Variants in TXNDC16 observed in about 807,000 individuals in gnomAD.
TXNDC16 encodes the protein thioredoxin domain-containing protein 16.
TXNDC16 carries 74 observed loss-of-function variants against 85.6 expected under a neutral mutation model. The observed-to-expected ratio is 0.86, with a 90% CI of 0.72 to 1.05. TXNDC16 has a LOEUF of 1.05. Ranked by LOEUF, TXNDC16 falls within the 50% of genes least tolerant of loss-of-function variation. The pLI is 0.00. For synonymous variants in TXNDC16, 335 were observed against 326.5 expected (o/e 1.03, Z -0.28); for missense variants, 959 against 947.0 (o/e 1.01, Z -0.17).
intron 12 of TXNDC16, among the ~76,000 whole-genome samples, chr14:52,486,639 C>G (rs984303019): frequency 1.3e-5 from 2 of 151,988 alleles, no homozygotes; most frequent in South Asian, 4.1e-4. Flanking sequence ...CTTTCCTAAC[C>G]CTTATCTAGT....
intron 9 of TXNDC16, among the ~76,000 whole-genome samples, chr14:52,500,241 C>T (rs192756966): frequency 5.3e-4 from 80 of 152,212 alleles, no homozygotes; most frequent in Non-Finnish European, 7.1e-4. Context: ...AAATAAAATG[C>T]GGTATATACG....
intron 6 of TXNDC16, among the ~76,000 whole-genome samples, chr14:52,525,468 G>A (rs1691849562): frequency 6.6e-6 from 1 of 150,774 alleles, no homozygotes; most frequent in Admixed American, 6.6e-5. Flanking sequence ...GAGGTGGGCG[G>A]ATCACAAGGT....
chr14:52,500,382 T>C (rs1391810275), intron 9 of TXNDC16, among the ~76,000 whole-genome samples: 2 of 152,210 alleles, frequency 1.3e-5, no homozygotes, highest in Non-Finnish European at 2.9e-5. Context: ...TAACTCAGTG[T>C]ATATGTGGTA....
intron 16 of TXNDC16, chr14:52,462,883 T>C (rs2035684504): frequency 2.9e-5 from 13 of 453,994 alleles, no homozygotes; most frequent in South Asian, 2.0e-4. Context: ...TACTCAGTTC[T>C]TCAGAAATTA....
intron 18 of TXNDC16, 71 bp downstream of exon 18, chr14:52,455,253 A>G: frequency 1.9e-6 from 3 of 1,562,994 alleles, no homozygotes; most frequent in Non-Finnish European, 1.7e-6. Context: ...AAAAATGTGT[A>G]TGAACATATA....
intron 1 of TXNDC16, among the ~76,000 whole-genome samples, chr14:52,551,998 C>G (rs897075213): frequency 6.6e-6 from 1 of 152,234 alleles, no homozygotes; most frequent in Admixed American, 6.5e-5. Flanking sequence ...ACTACTACTA[C>G]TCTTCCTTAA....
At chr14:52,441,619 C>CA (rs1171861491) in intron 18 of TXNDC16, among the ~76,000 whole-genome samples, 4 of 151,426 alleles carry the variant, frequency 2.6e-5, no homozygotes, top group African/African-American at 4.8e-5. Context: ...AAAAAAAACC[C>CA]AAAAAACAAA....
At chr14:52,514,737 T>C (rs373114747) in intron 8 of TXNDC16, 143 bp downstream of exon 8, 21 of 590,774 alleles carry the variant, frequency 3.6e-5, no homozygotes, top group African/African-American at 2.2e-4. Context: ...GGATTTCAGG[T>C]TTCATTTATA....
intron 6 of TXNDC16, among the ~76,000 whole-genome samples, chr14:52,528,183 T>C (rs763716690): frequency 2.2e-4 from 33 of 152,272 alleles, no homozygotes; most frequent in South Asian, 1.4e-3. Flanking sequence ...GCTGACGAAG[T>C]AGCAAAGTTC....
intron 8 of TXNDC16, among the ~76,000 whole-genome samples, 158 bp from the exon 9 acceptor site, chr14:52,511,548 C>A (rs1024978491): frequency 1.3e-5 from 2 of 151,938 alleles, no homozygotes; most frequent in African/African-American, 4.8e-5. Context: ...ACTTGGGCAA[C>A]AAAGAAGATA....
Position 52,432,260 on chromosome 14 carries a change from G to T in TXNDC16, c.*44C>A. On this transcript the variant is annotated 3_prime_UTR_variant, in exon 21 of 21. Transcript: ENST00000281741. ...ATTATTCTTTAAGGAAATAAATTAAGTCTATCATGCCAAAAAAATTTTGGA... is the reference window on the plus strand; with the variant it reads ...ATTATTCTTTAAGGAAATAAATTAATTCTATCATGCCAAAAAAATTTTGGA... 6.6e-7 allele frequency: 1 copy of T among 1,516,684 alleles called. No homozygotes were observed. The highest frequency in any genetic ancestry group is 8.8e-7 in the Non-Finnish European group (1 of 1,131,250). The allele number at this position is 1,516,684 out of a possible 1,614,324, so 94.0% of individuals were successfully genotyped here. A position where few individuals can be genotyped will look rare whatever the true frequency, so the allele number is the denominator to read the frequency against.
intron 6 of TXNDC16, among the ~76,000 whole-genome samples, chr14:52,525,663 A>G (rs1464589898): frequency 1.3e-5 from 2 of 150,756 alleles, no homozygotes; most frequent in Non-Finnish European, 3.0e-5. Context: ...GCACCACTGC[A>G]CTCCAGGCTG....
At position 52,492,445 on chromosome 14, in the gene TXNDC16, G is replaced by A. The variant is rs76164442; in HGVS notation, c.757-1440C>T. ...CTAAGAGACATAGACTTCTGCCACT[G>A]CTACCCGCACCTTCTCTACCTTCCA... On this transcript the variant is annotated intron_variant, in intron 9 of 20. Transcript: ENST00000281741. 3.5e-4 allele frequency among the ~76,000 whole-genome samples: 54 copies of A among 152,222 alleles called. No homozygotes were observed. In the East Asian group the frequency reaches 9.7e-3, roughly 27 times the overall value.
intron 9 of TXNDC16, among the ~76,000 whole-genome samples, chr14:52,495,003 T>G (rs1392314959): frequency 6.6e-6 from 1 of 152,322 alleles, no homozygotes. Context: ...ACATGTGACC[T>G]GAAAATTCAG....
chr14:52,515,145 A>T (rs2037051849), intron 7 of TXNDC16, among the ~76,000 whole-genome samples, 175 bp from the exon 8 acceptor site: 1 of 152,202 alleles, frequency 6.6e-6, no homozygotes, highest in South Asian at 2.1e-4. Context: ...AGTTATAAAA[A>T]GTCTATTCTA....
At position 52,477,688 on chromosome 14, in the gene TXNDC16, T is replaced by C. The variant is rs568084332; in HGVS notation, c.1312+4542A>G. Among the ~76,000 whole-genome samples, 212 of 152,248 alleles carry C rather than the reference T, an allele frequency of 1.4e-3. 1 individual carries two copies. The highest frequency in any genetic ancestry group is 5.0e-3 in the African/African-American group (207 of 41,542). On this transcript the variant is annotated intron_variant, in intron 14 of 20. Coordinates refer to ENST00000281741, the MANE Select transcript of TXNDC16 (RefSeq NM_020784.3). ...CCTAAATTTATAAAACAATTACTAA[T>C]AGACCTATGAAATGAGATAGACAGC...
chr14:52,520,991 A>T (rs780449676), intron 6 of TXNDC16, among the ~76,000 whole-genome samples: 23 of 152,136 alleles, frequency 1.5e-4, no homozygotes, highest in Non-Finnish European at 2.8e-4. Flanking sequence ...TTAAAATAGG[A>T]ATTTTAAAAT....
chr14:52,488,759 A>G (rs1437492113), intron 11 of TXNDC16, among the ~76,000 whole-genome samples: 1 of 146,666 alleles, frequency 6.8e-6, no homozygotes, highest in Non-Finnish European at 1.5e-5. Context: ...GTCTGAACCC[A>G]GGAGGCAGAG....
chr14:52,545,916 G>GT (rs2037931916), intron 1 of TXNDC16, among the ~76,000 whole-genome samples: 1 of 151,558 alleles, frequency 6.6e-6, no homozygotes, highest in Non-Finnish European at 1.5e-5. Flanking sequence ...AGAGCAGAGT[G>GT]AAAACAAAGA....
Sources: allele counts gnomAD v4.1 joint callset (sites outside exome capture counted in the v4.1 genomes callset), GRCh38; gene constraint gnomAD v4.1.1; transcripts MANE v1.5; gene names NCBI Gene and HGNC (gene_info 2026-07-23, HGNC 2026-07-21).